Variants in DRICH1 observed in about 807,000 individuals in gnomAD.
DRICH1 encodes aspartate-rich protein 1.
DRICH1 carries 38 observed loss-of-function variants against 39.5 expected under a neutral mutation model. The observed-to-expected ratio is 0.96, with a 90% CI of 0.74 to 1.26. The LOEUF (loss-of-function observed/expected upper bound fraction) is 1.26, where lower values mean the gene tolerates loss of function less well. Among genes scored for constraint, DRICH1 ranks in the 50% most tolerant of loss-of-function variants. DRICH1 has a pLI of 0.00. For synonymous variants in DRICH1, 84 were observed against 99.5 expected, an observed-to-expected ratio of 0.84 and a Z score of 0.93; for missense variants, 279 against 270.4, an observed-to-expected ratio of 1.03 and a Z score of -0.22.
At chr22:23,631,367 G>A (rs916603538) in intron 1 of DRICH1, among the ~76,000 whole-genome samples, 2 of 151,834 alleles carry the variant, frequency 1.3e-5, no homozygotes, top group South Asian at 4.1e-4. Flanking sequence ...AGTGAGCTGA[G>A]ATCCCGCCAC....
At chr22:23,590,743 T>TG in the DRICH1 span, among the ~76,000 whole-genome samples, 2 of 152,192 alleles carry the variant, frequency 1.3e-5, no homozygotes, top group African/African-American at 4.8e-5. Context: ...GGATTACAGG[T>TG]GTGCACCACC....
chr22:23,594,531 C>A, the DRICH1 span, among the ~76,000 whole-genome samples: 1 of 152,236 alleles, frequency 6.6e-6, no homozygotes, highest in African/African-American at 2.4e-5. Flanking sequence ...GATCGCACCA[C>A]TACACTCCAG....
chr22:23,581,835 A>G, the DRICH1 span, among the ~76,000 whole-genome samples: 2 of 151,670 alleles, frequency 1.3e-5, no homozygotes, highest in Non-Finnish European at 2.9e-5. Context: ...CGATCTCCTA[A>G]CCTCATGATC....
At chr22:23,623,659 C>A (rs1927897731) in intron 3 of DRICH1, among the ~76,000 whole-genome samples, 1 of 150,914 alleles carries the variant, frequency 6.6e-6, no homozygotes, top group African/African-American at 2.4e-5. Flanking sequence ...AATCCTCAGA[C>A]TTTAATGAAT....
chr22:23,613,126 G>T (rs1957510848), intron 11 of DRICH1, among the ~76,000 whole-genome samples, 163 bp downstream of exon 11: 1 of 152,122 alleles, frequency 6.6e-6, no homozygotes, highest in South Asian at 2.1e-4. Flanking sequence ...TTACCATGAT[G>T]CCAAGAAACT....
intron 11 of DRICH1, among the ~76,000 whole-genome samples, chr22:23,611,991 A>G (rs551525745): frequency 1.6e-4 from 24 of 152,320 alleles, no homozygotes; most frequent in Non-Finnish European, 2.5e-4. Context: ...CTACTCACAT[A>G]TGCTGTTAGA....
At chr22:23,603,445 TC>T in the DRICH1 span, among the ~76,000 whole-genome samples, 1 of 151,958 alleles carries the variant, frequency 6.6e-6, no homozygotes, top group South Asian at 2.1e-4. Flanking sequence ...TCTAATCTGC[TC>T]TACACCAGCC....
the DRICH1 span, among the ~76,000 whole-genome samples, chr22:23,585,658 C>T: frequency 6.6e-6 from 1 of 151,764 alleles, no homozygotes; most frequent in African/African-American, 2.4e-5. Flanking sequence ...GCTAGGACTA[C>T]AGGCACATGC....
At chr22:23,619,439 A>G (rs781454306) in intron 5 of DRICH1, 46 bp from the exon 6 acceptor site, 2 of 776,970 alleles carry the variant, frequency 2.6e-6, no homozygotes, top group African/African-American at 1.7e-5. Context: ...AGGAATCTCT[A>G]TGTGCCTCAA....
chr22:23,612,466 CA>C (rs1211963554), intron 11 of DRICH1, among the ~76,000 whole-genome samples: 221 of 24,874 alleles, frequency 8.9e-3, no homozygotes, highest in African/African-American at 0.025. Context: ...GACTCCATCT[CA>C]AAAAAAAAAA....
At chr22:23,613,124 A>G (rs545317226) in intron 11 of DRICH1, among the ~76,000 whole-genome samples, 165 bp downstream of exon 11, 26 of 152,318 alleles carry the variant, frequency 1.7e-4, no homozygotes, top group Middle Eastern at 3.4e-3. Context: ...TCTTACCATG[A>G]TGCCAAGAAA....
chr22:23,589,507 T>C, the DRICH1 span, among the ~76,000 whole-genome samples: 1 of 151,752 alleles, frequency 6.6e-6, no homozygotes, highest in African/African-American at 2.4e-5. Flanking sequence ...TGTATGTGTG[T>C]GTGTATATAT....
the DRICH1 span, among the ~76,000 whole-genome samples, chr22:23,589,089 G>GAC: frequency 0.21 from 29,773 of 143,712 alleles, 3,192 homozygotes; most frequent in Admixed American, 0.28. Context: ...TCTCCCAGCT[G>GAC]ACACACACAC....
Position 23,608,563 on chromosome 22 carries a change from A to G in DRICH1, c.*201T>C. The G allele has an allele frequency of 3.7e-6, 2 of 547,416 alleles. No individual in the cohort carries two copies. Among genetic ancestry groups the G allele is most frequent in the Non-Finnish European group, 3.3e-6 (1 of 304,106 alleles). The allele number at this position is 547,416 out of a possible 1,614,324, so 33.9% of individuals were successfully genotyped here. A position where few individuals can be genotyped will look rare whatever the true frequency, so the allele number is the denominator to read the frequency against. ...AAGGAGAAATGCCAGGCCCAGAAGC[A>G]CTGGGTCCTGGATGGTACAGGCCAA... On this transcript the variant is annotated 3_prime_UTR_variant, in exon 12 of 12. Coordinates refer to ENST00000317749, the MANE Select transcript of DRICH1 (RefSeq NM_016449.4).
At chr22:23,617,800 G>C in intron 6 of DRICH1, 143 bp from the exon 7 acceptor site, 1 of 735,134 alleles carries the variant, frequency 1.4e-6, no homozygotes, top group Non-Finnish European at 2.3e-6. Flanking sequence ...GGCAGAGGAG[G>C]GGAGCAGGCA....
At chr22:23,595,706 G>GA in the DRICH1 span, among the ~76,000 whole-genome samples, 2 of 152,164 alleles carry the variant, frequency 1.3e-5, no homozygotes, top group Non-Finnish European at 2.9e-5. Context: ...GAGGAGATAG[G>GA]AAAGGTCCCC....
chr22:23,614,231 G>C lies in DRICH1; in HGVS notation c.542-17C>G. 6.3e-7 allele frequency: 1 copy of C among 1,596,300 alleles called. No individual in the cohort carries two copies. Among genetic ancestry groups the C allele is most frequent in the Non-Finnish European group, 8.6e-7 (1 of 1,163,752 alleles). ...CAGAACAAGCTGGAAGGACACAGAG[G>C]AAAGATCAGTGCACCGGTGGTTGGT... On this transcript the variant is annotated splice_polypyrimidine_tract_variant and intron_variant, in intron 8 of 11. Transcript: ENST00000317749.
chr22:23,591,861 A>C, the DRICH1 span, among the ~76,000 whole-genome samples: 1 of 152,192 alleles, frequency 6.6e-6, no homozygotes, highest in Non-Finnish European at 1.5e-5. Context: ...GGGCTGGCTC[A>C]AACCCCAAAT....
Position 23,614,191 on chromosome 22 carries a change from A to G in DRICH1, c.565T>C (p.Leu189=). ...TCTTTGTGTCTCAGTGAGCATCTTA[A>G]AAACAGGCTATCTTCAGAACAAGCT... The part of the protein sequence containing the change: ...VQACSEDSLF[L]RCSLRHKDEE... The change falls in exon 9 of 12, where the codon TTA becomes CTA. Residue 189 remains leucine (L), a synonymous_variant. Transcript: ENST00000317749. 6.2e-7 allele frequency: 1 copy of G among 1,613,882 alleles called. No homozygotes were observed. Among genetic ancestry groups the G allele is most frequent in the East Asian group, 2.2e-5 (1 of 44,890 alleles).
Sources: gnomAD v4.1 joint callset for allele counts (sites outside exome capture counted in the v4.1 genomes callset) on GRCh38, gnomAD v4.1.1 for gene constraint, MANE v1.5 for transcripts, NCBI Gene and HGNC (gene_info 2026-07-23, HGNC 2026-07-21) for gene names.